Variants in CSPG4 observed in about 807,000 individuals in gnomAD.
The protein encoded by CSPG4 is chondroitin sulfate proteoglycan 4 (melanoma-associated).
A neutral mutation model predicts 139.3 loss-of-function variants in CSPG4; 74 were observed. That is an observed-to-expected ratio of 0.53 (90% CI 0.44 to 0.64). The LOEUF is 0.64. Ranked by LOEUF, CSPG4 falls within the 30% of genes least tolerant of loss-of-function variation. CSPG4 has a pLI of 0.00. For missense variants in CSPG4, 2,565 were observed against 3,148.3 expected, an observed-to-expected ratio of 0.81 and a Z score of 4.43; for synonymous variants, 1,234 against 1,394.2, an observed-to-expected ratio of 0.89 and a Z score of 2.56.
Position 75,688,805 on chromosome 15 carries a change from C to T in CSPG4, c.2260G>A (p.Asp754Asn), listed in dbSNP as rs774901077. Residue 754 changes from aspartate (D) to asparagine (N), a missense_variant, in exon 3 of 10, where the codon GAC becomes AAC. Physicochemically the swap from Asp to Asn is conservative, Grantham distance 23. Transcript: ENST00000308508. Reference protein sequence around the residue: ...LSTDPQHHAYDTVENLALEVQ... With the variant: ...LSTDPQHHAYNTVENLALEVQ... ...TCCAGGGCCAGGTTCTCCACGGTGT[C>T]GTAAGCGTGGTGCTGTGGGTCAGTG... The T allele has an allele frequency of 1.1e-5, 18 of 1,612,808 alleles. No individual in the cohort carries two copies. The highest frequency in any genetic ancestry group is 5.0e-5 in the Admixed American group (3 of 59,996).
At chr15:75,686,720 G>A (rs1478190324) in intron 3 of CSPG4, among the ~76,000 whole-genome samples, 2 of 152,252 alleles carry the variant, frequency 1.3e-5, no homozygotes, top group East Asian at 3.9e-4. Context: ...AATGAGCAGT[G>A]TAGGAGAGTA....
chr15:75,694,732 C>A (rs1273337321), intron 1 of CSPG4, among the ~76,000 whole-genome samples: 1 of 152,262 alleles, frequency 6.6e-6, no homozygotes, highest in African/African-American at 2.4e-5. Flanking sequence ...AATACCAGCA[C>A]CTTGTCTGGG....
rs1286458765 is a variant in CSPG4, at chr15:75,675,076, A to C, written c.*474T>G. 5.5e-6 allele frequency: 2 copies of C among 363,196 alleles called. No individual in the cohort carries two copies. The highest frequency in any genetic ancestry group is 9.8e-6 in the Non-Finnish European group (2 of 204,168). 22.5% of individuals were successfully genotyped at this position (363,196 alleles called of 1,614,324 possible). A position where few individuals can be genotyped will look rare whatever the true frequency, so the allele number is the denominator to read the frequency against. On this transcript the variant is annotated 3_prime_UTR_variant, in exon 10 of 10. Transcript: ENST00000308508. ...AACCAGGGGAGGAAGTTTTTTTCTCAACTCTGGGGCAGAGACAAAGGGTGG... is the reference window on the plus strand; with the variant it reads ...AACCAGGGGAGGAAGTTTTTTTCTCCACTCTGGGGCAGAGACAAAGGGTGG...
Position 75,697,288 on chromosome 15 carries a change from G to C in CSPG4, c.89-4055C>G, listed in dbSNP as rs114365912. Among the ~76,000 whole-genome samples the C allele has an allele frequency of 3.3e-3, 509 of 152,096 alleles. 3 individuals carry two copies. Among genetic ancestry groups the C allele is most frequent in the African/African-American group, 0.012 (494 of 41,474 alleles). On this transcript the variant is annotated intron_variant, in intron 1 of 9. Coordinates refer to ENST00000308508, the MANE Select transcript of CSPG4 (RefSeq NM_001897.5). ...AGCTCTTTGGCTCCCTCTTCCCTCT[G>C]CCCCATCCTGGCTGTCCCTGGGCAC...
rs1596004423 is a variant in CSPG4 at position 75,675,092 on chromosome 15, C to A, written c.*458G>T. On this transcript the variant is annotated 3_prime_UTR_variant, in exon 10 of 10. Coordinates refer to ENST00000308508, the MANE Select transcript of CSPG4 (RefSeq NM_001897.5). ...TTTTTTCTCAACTCTGGGGCAGAGA[C>A]AAAGGGTGGCCTGGGTTGGAGTGGA... 3 of 351,610 alleles carry A rather than the reference C, an allele frequency of 8.5e-6. No individual in the cohort carries two copies. Among genetic ancestry groups the A allele is most frequent in the Admixed American group, 4.7e-5 (1 of 21,124 alleles). 21.8% of individuals were successfully genotyped at this position (351,610 alleles called of 1,614,324 possible). A position where few individuals can be genotyped will look rare whatever the true frequency, so the allele number is the denominator to read the frequency against.
intron 1 of CSPG4, among the ~76,000 whole-genome samples, chr15:75,705,939 ATGTGTC>A (rs1466886690): frequency 2.0e-5 from 3 of 150,952 alleles, no homozygotes; most frequent in Admixed American, 6.6e-5. Flanking sequence ...GTCTGTGTGC[ATGTGTC>A]TGTGTCTGTA....
rs757126630 is a variant in CSPG4 at position 75,688,765 on chromosome 15, T to C, written c.2300A>G (p.Gln767Arg). ...GAAGGACAGATTGCTCAGGATCTCC[T>C]GGCCCACCTGCACCTCCAGGGCCAG... ...ENLALEVQVG[Q>R]EILSNLSFPV... The change falls in exon 3 of 10, where the codon CAG becomes CGG. Residue 767 changes from glutamine (Q) to arginine (R), a missense_variant. Physicochemically the swap from Gln to Arg is conservative, Grantham distance 43. Around this residue, in one of 5 missense-constraint regions of CSPG4, gnomAD observed 2,316 missense variants for 2,818.2 expected, o/e 0.82. Coordinates refer to ENST00000308508, the MANE Select transcript of CSPG4 (RefSeq NM_001897.5). 6.8e-6 allele frequency: 11 copies of C among 1,612,774 alleles called. 1 individual carries two copies. The South Asian group carries it at 1.2e-4, about 18-fold the overall frequency.
rs182187048 is a variant in CSPG4 at position 75,686,254 on chromosome 15, C to T, written c.3790-553G>A. 1.6e-4 allele frequency among the ~76,000 whole-genome samples: 24 copies of T among 152,302 alleles called. No homozygotes were observed. In the East Asian group the frequency reaches 3.3e-3, roughly 21 times the overall value. On this transcript the variant is annotated intron_variant, in intron 3 of 9. Coordinates refer to ENST00000308508, the MANE Select transcript of CSPG4 (RefSeq NM_001897.5). The stretch of plus-strand genomic sequence containing the variant: ...TTCATCATATGCTGACGCAGTCACA[C>T]ATGTACACATGCGTGTGTGCACACA...
chr15:75,699,755 G>C (rs1053693532), intron 1 of CSPG4, among the ~76,000 whole-genome samples: 1 of 152,202 alleles, frequency 6.6e-6, no homozygotes, highest in African/African-American at 2.4e-5. Flanking sequence ...TGTCTTTGTG[G>C]AAGTCTTGCT....
intron 2 of CSPG4, among the ~76,000 whole-genome samples, chr15:75,691,168 C>T (rs1894161280): frequency 1.3e-5 from 2 of 152,146 alleles, no homozygotes; most frequent in Non-Finnish European, 2.9e-5. Flanking sequence ...GAGCGAAACT[C>T]TGTCTCAAAA....
intron 1 of CSPG4, among the ~76,000 whole-genome samples, chr15:75,697,789 T>G (rs1171560073): frequency 6.6e-6 from 1 of 151,928 alleles, no homozygotes; most frequent in Non-Finnish European, 1.5e-5. Context: ...CATCTGTATG[T>G]GGGGGAGGGA....
intron 1 of CSPG4, among the ~76,000 whole-genome samples, chr15:75,704,948 G>A (rs909342691): frequency 6.6e-6 from 1 of 152,204 alleles, no homozygotes; most frequent in Non-Finnish European, 1.5e-5. Flanking sequence ...AGAGGGACTC[G>A]CGAGGGGTTG....
At position 75,676,805 on chromosome 15, in the gene CSPG4, G is replaced by C. The variant is rs1016968114; in HGVS notation, c.5714C>G (p.Ala1905Gly). 4.5e-6 allele frequency: 7 copies of C among 1,543,862 alleles called. No individual in the cohort carries two copies. The highest frequency in any genetic ancestry group is 3.8e-5 in the Admixed American group (2 of 52,278). ...TQADVDSGRL[A>G]FVANGSSVAG... Reference sequence around the variant, plus strand: ...CACGCTGCTCCCGTTGGCCACGAAGGCCAGCCGCCCTGAATCCACATCGGC... The same window carrying C: ...CACGCTGCTCCCGTTGGCCACGAAGCCCAGCCGCCCTGAATCCACATCGGC... Residue 1905 changes from alanine (A) to glycine (G), a missense_variant, in exon 10 of 10, where the codon GCC becomes GGC. Ala to Gly is a moderately conservative substitution (Grantham distance 60). Coordinates refer to ENST00000308508, the MANE Select transcript of CSPG4 (RefSeq NM_001897.5).
upstream of CSPG4, chr15:75,712,965 A>C: frequency 3.8e-6 from 2 of 526,402 alleles, no homozygotes; most frequent in African/African-American, 2.0e-5. Flanking sequence ...CAACCTTCTT[A>C]AAGGGCCCGT....
At position 75,676,792 on chromosome 15, in the gene CSPG4, G is replaced by C; in HGVS notation, c.5727C>G (p.Asn1909Lys). ...VDSGRLAFVA[N>K]GSSVAGIFQL... ...GGAAGATGCCTGCCACGCTGCTCCC[G>C]TTGGCCACGAAGGCCAGCCGCCCTG... The change falls in exon 10 of 10, where the codon AAC (asparagine) becomes AAG (lysine). Residue 1909 changes from asparagine to lysine, a missense_variant. By Grantham distance (94) the Asn-to-Lys change is moderately conservative. This residue lies in a region of CSPG4 where 2,316 missense variants were observed against 2,818.2 expected (regional missense o/e 0.82). Coordinates refer to ENST00000308508, the MANE Select transcript of CSPG4 (RefSeq NM_001897.5). 1 of 1,543,724 alleles carries C rather than the reference G, an allele frequency of 6.5e-7. No homozygotes were observed. The highest frequency in any genetic ancestry group is 8.8e-7 in the Non-Finnish European group (1 of 1,142,714).
chr15:75,692,261 G>A (rs1481033407), intron 2 of CSPG4, among the ~76,000 whole-genome samples: 1 of 152,210 alleles, frequency 6.6e-6, no homozygotes, highest in Admixed American at 6.5e-5. Context: ...TGGGATTACA[G>A]GCATGAGCCA....
At chr15:75,712,905 G>C, upstream of CSPG4, 1 of 594,828 alleles carries the variant, frequency 1.7e-6, no homozygotes, top group Non-Finnish European at 2.8e-6. Flanking sequence ...GCGCAGACCC[G>C]CGCGCCCGCT....
chr15:75,684,991 A>G (rs1232853915), intron 4 of CSPG4, 79 bp from the exon 5 acceptor site: 3 of 1,432,010 alleles, frequency 2.1e-6, no homozygotes, highest in Non-Finnish European at 2.9e-6. Context: ...GAGGAGACTG[A>G]CTCTTTTAGG....
In CSPG4 at chr15:75,687,241, G is replaced by T. The variant is rs771066605; in HGVS notation, c.3789+35C>A. On this transcript the variant is annotated intron_variant, in intron 3 of 9. Coordinates refer to ENST00000308508, the MANE Select transcript of CSPG4 (RefSeq NM_001897.5). The surrounding 1 kb of genome is among the most constrained non-coding windows in gnomAD (Gnocchi z 5.4). The stretch of plus-strand genomic sequence containing the variant: ...AGGCTGGGAGAAGGCCCTCTACCTG[G>T]CCCACACCCCTGCTCACCACCTCCA... The T allele has an allele frequency of 3.1e-6, 5 of 1,605,772 alleles. No homozygotes were observed. The South Asian group carries it at 4.4e-5, about 14-fold the overall frequency.
Sources: allele counts gnomAD v4.1 joint callset (sites outside exome capture counted in the v4.1 genomes callset), GRCh38; gene constraint gnomAD v4.1.1; regional missense constraint gnomAD v4.1.1; non-coding constraint Gnocchi (gnomAD v3.1); transcripts MANE v1.5; gene names NCBI Gene and HGNC (gene_info 2026-07-23, HGNC 2026-07-21).